Variants in CAPN11 observed in about 807,000 individuals in gnomAD.
CAPN11 encodes calpain-11.
A neutral mutation model predicts 105.3 loss-of-function variants in CAPN11; 108 were observed. That is an observed-to-expected ratio of 1.03 (90% confidence interval 0.88 to 1.20). The LOEUF (loss-of-function observed/expected upper bound fraction) is 1.20, where lower values mean the gene tolerates loss of function less well. Ranked by LOEUF, CAPN11 falls within the 50% of genes most tolerant of loss-of-function variation. CAPN11 has a pLI of 0.00. For missense variants in CAPN11, 883 were observed against 924.8 expected (o/e 0.95, Z 0.59); for synonymous variants, 329 against 344.5 (o/e 0.96, Z 0.50).
intron 2 of CAPN11, among the ~76,000 whole-genome samples, chr6:44,167,867 G>T (rs552426176): frequency 6.6e-6 from 1 of 151,470 alleles, no homozygotes; most frequent in East Asian, 2.0e-4. Context: ...AGTGAGCCAT[G>T]ATCAAGCCAC....
chr6:44,158,890 A>G, intron 1 of CAPN11, 26 bp downstream of exon 1: 1 of 1,547,702 alleles, frequency 6.5e-7, no homozygotes, highest in Non-Finnish European at 8.7e-7. Context: ...GCCTTGCCCC[A>G]CTCCTGTACC....
rs755859337 is a variant in CAPN11, at chr6:44,176,307, C to G, written c.970C>G (p.Arg324Gly). The change falls in exon 9 of 23, where the codon CGG becomes GGG. Residue 324 changes from arginine (R) to glycine (G), a missense_variant. Transcript: ENST00000398776. ...GATTCGGGTCCGGAATCCCTGGGGCCGGATTGAGTGGAATGGAGCTTGGAG... is the reference window on the plus strand; with the variant it reads ...GATTCGGGTCCGGAATCCCTGGGGCGGGATTGAGTGGAATGGAGCTTGGAG... Reference protein sequence around the residue: ...TLIRVRNPWGRIEWNGAWSDS... With the variant: ...TLIRVRNPWGGIEWNGAWSDS... 5.6e-6 allele frequency: 9 copies of G among 1,613,762 alleles called. No homozygotes were observed. Among genetic ancestry groups the G allele is most frequent in the Non-Finnish European group, 7.6e-6 (9 of 1,179,882 alleles).
chr6:44,171,456 A>G (rs1770986624), intron 4 of CAPN11, among the ~76,000 whole-genome samples: 1 of 152,206 alleles, frequency 6.6e-6, no homozygotes, highest in Admixed American at 6.5e-5. Context: ...TCGTGGCCAC[A>G]CCAGTGTACT....
At chr6:44,166,850 T>C (rs775423577) in intron 2 of CAPN11, 21 bp downstream of exon 2, 14 of 1,498,428 alleles carry the variant, frequency 9.3e-6, no homozygotes, top group Non-Finnish European at 1.3e-5. Flanking sequence ...AGACCCGTCG[T>C]GGCTCTGTGG....
chr6:44,160,881 A>G (rs9394988), intron 1 of CAPN11, among the ~76,000 whole-genome samples: 90,978 of 152,064 alleles, frequency 0.6, 27,360 homozygotes, highest in East Asian at 0.7. Context: ...TTTATTACTT[A>G]TTATGGTTAA....
chr6:44,159,811 C>T (rs886901781), intron 1 of CAPN11, among the ~76,000 whole-genome samples: 2 of 151,904 alleles, frequency 1.3e-5, no homozygotes, highest in Admixed American at 6.6e-5. Flanking sequence ...AATCTATAGT[C>T]CCCTAATAAC....
Position 44,173,062 on chromosome 6 carries a change from G to C in CAPN11, c.651G>C (p.Lys217Asn). The C allele has an allele frequency of 6.2e-7, 1 of 1,613,554 alleles. No homozygotes were observed. Among genetic ancestry groups the C allele is most frequent in the Non-Finnish European group, 8.5e-7 (1 of 1,179,634 alleles). The change falls in exon 6 of 23, where the codon AAG (lysine) becomes AAC (asparagine). Residue 217 changes from lysine to asparagine, a missense_variant. Transcript: ENST00000398776. ...RSEFWSALLE[K>N]AYAKLSGSYE... ...AGTTCTGGAGTGCCCTGCTGGAGAA[G>C]GCGTATGCCAAGTGAGTGCTGGGAG...
chr6:44,171,597 G>A (rs546151922), intron 4 of CAPN11, among the ~76,000 whole-genome samples: 14 of 152,266 alleles, frequency 9.2e-5, no homozygotes, highest in African/African-American at 3.1e-4. Flanking sequence ...GGAGGCCAAG[G>A]CAGGAGGACT....
chr6:44,177,067 C>G (rs532814041), intron 11 of CAPN11, 69 bp downstream of exon 11: 1 of 1,551,386 alleles, frequency 6.4e-7, no homozygotes, highest in African/African-American at 1.4e-5. Context: ...ACCACGAAAC[C>G]AGACCTGGGG....
rs1561845645 is a variant in CAPN11, at chr6:44,173,232, A to G, written c.677A>G (p.Tyr226Cys). The change falls in exon 7 of 23, where the codon TAT (tyrosine) becomes TGT (cysteine). Residue 226 changes from tyrosine (Y) to cysteine (C), a missense_variant. By Grantham distance (194) the Tyr-to-Cys change is radical. Transcript: ENST00000398776. ...TGTGCCCACAGGCTGAGTGGGTCCT[A>G]TGAAGCATTGTCAGGGGGCAGTACC... ...EKAYAKLSGS[Y>C]EALSGGSTME... 13 of 1,613,762 alleles carry G rather than the reference A, an allele frequency of 8.1e-6. No individual in the cohort carries two copies. Among genetic ancestry groups the G allele is most frequent in the African/African-American group, 2.7e-5 (2 of 74,882 alleles).
At position 44,173,351 on chromosome 6, in the gene CAPN11, G is replaced by A. The variant is rs6938938; in HGVS notation, c.796G>A (p.Val266Met). 158,888 of 1,612,642 alleles carry A rather than the reference G, an allele frequency of 0.099. 8,631 individuals carry two copies. Among genetic ancestry groups the A allele is most frequent in the African/African-American group, 0.21 (15,576 of 74,918 alleles). ...QNLLRLLRKA[V>M]ERSSLMGCSI... ...CCTGCTCAGGCTCCTTAGGAAGGCC[G>A]TGGAGCGATCCTCCCTCATGGGTTG... The change falls in exon 7 of 23, where the codon GTG (valine) becomes ATG (methionine). Residue 266 changes from valine (V) to methionine (M), a missense_variant. By Grantham distance (21) the Val-to-Met change is conservative. Coordinates refer to ENST00000398776, the MANE Select transcript of CAPN11 (RefSeq NM_007058.4).
rs1768929547 is a variant in CAPN11, at chr6:44,162,035, A to G, written c.16+3171A>G. 7.8e-6 allele frequency: 3 copies of G among 386,240 alleles called. No homozygotes were observed. The Admixed American group carries it at 8.5e-5, about 11-fold the overall frequency. 23.9% of individuals were successfully genotyped at this position (386,240 alleles called of 1,614,324 possible). A position where few individuals can be genotyped will look rare whatever the true frequency, so the allele number is the denominator to read the frequency against. On this transcript the variant is annotated intron_variant, in intron 1 of 22. Transcript: ENST00000398776. ...AGCATCCCTGGCCTCTACTTACTAG[A>G]TGCCAGTAGCTCCCCTGAGACCTGC...
chr6:44,179,838 C>A (rs1772826869), intron 13 of CAPN11, 114 bp from the exon 14 acceptor site: 2 of 922,774 alleles, frequency 2.2e-6, no homozygotes, highest in South Asian at 1.4e-5. Flanking sequence ...CAGGCCAGGT[C>A]AGTTGGTGGT....
rs1469654306 is a variant in CAPN11, at chr6:44,162,149, A to ATC, written c.16+3291_16+3292dup. Among the ~76,000 whole-genome samples the ATC allele has an allele frequency of 4.0e-5, 6 of 151,766 alleles. No homozygotes were observed. In the South Asian group the frequency reaches 1.0e-3, roughly 27 times the overall value. On this transcript the variant is annotated intron_variant, in intron 1 of 22. Coordinates refer to ENST00000398776, the MANE Select transcript of CAPN11 (RefSeq NM_007058.4). ...CCCCGGGTTGAGAACTTCTGACTCA[A>ATC]TCTCTCTGTGGAGGCCCTGGCTTCC...
intron 2 of CAPN11, 180 bp from the exon 3 acceptor site, chr6:44,169,101 A>C: frequency 1.4e-6 from 1 of 690,698 alleles, no homozygotes; most frequent in East Asian, 3.0e-5. Context: ...CAGCTAATTA[A>C]AAAAAATTTT....
intron 1 of CAPN11, among the ~76,000 whole-genome samples, chr6:44,164,815 C>T (rs1582858558): frequency 3.3e-5 from 5 of 152,128 alleles, no homozygotes; most frequent in Admixed American, 3.3e-4. Flanking sequence ...AAGGGAGAGA[C>T]ATCTAAAGTA....
At chr6:44,164,600 AG>A (rs1769479151) in intron 1 of CAPN11, among the ~76,000 whole-genome samples, 1 of 152,198 alleles carries the variant, frequency 6.6e-6, no homozygotes, top group South Asian at 2.1e-4. Flanking sequence ...CGGACACCAC[AG>A]GGGAGGCTTC....
chr6:44,181,048 G>A (rs1773052852), intron 18 of CAPN11, 51 bp downstream of exon 18: 1 of 1,559,338 alleles, frequency 6.4e-7, no homozygotes, highest in Non-Finnish European at 8.8e-7. Flanking sequence ...CCACAAGCCT[G>A]GCCCAGAGAT....
chr6:44,177,173 G>A lies in CAPN11; in HGVS notation c.1238-69G>A, dbSNP rs555041875. ...AGCTCCAGTGTGGCTGGGGAAGCTC[G>A]GTCCACCCTGGGAAGGGCGTGGCCA... On this transcript the variant is annotated intron_variant, in intron 11 of 22. Transcript: ENST00000398776. 1.5e-5 allele frequency: 23 copies of A among 1,508,760 alleles called. 1 individual carries two copies. The highest frequency in any genetic ancestry group is 2.1e-4 in the Middle Eastern group (1 of 4,760). 93.5% of individuals were successfully genotyped at this position (1,508,760 alleles called of 1,614,324 possible).
Sources: gnomAD v4.1 joint callset for allele counts (sites outside exome capture counted in the v4.1 genomes callset) on GRCh38, gnomAD v4.1.1 for gene constraint, MANE v1.5 for transcripts, NCBI Gene and HGNC (gene_info 2026-07-23, HGNC 2026-07-21) for gene names.